The following SACM1L variants were observed in gnomAD, a reference collection of about 807,000 sequenced individuals.
The protein encoded by SACM1L is SAC1 like phosphatidylinositide phosphatase.
Under a neutral mutation model 89.5 loss-of-function variants are expected in SACM1L, and 32 were observed. The observed-to-expected ratio is 0.36, with a 90% CI of 0.27 to 0.48. The LOEUF is 0.48. Among genes scored for constraint, SACM1L ranks in the 20% least tolerant of loss-of-function variants. SACM1L has a pLI of 0.99. For synonymous variants in SACM1L, 213 were observed against 232.8 expected, an observed-to-expected ratio of 0.92 and a Z score of 0.77; for missense variants, 543 against 708.5, an observed-to-expected ratio of 0.77 and a Z score of 2.65.
intron 1 of SACM1L, among the ~76,000 whole-genome samples, chr3:45,697,346 G>A (rs1056692952): frequency 3.6e-5 from 5 of 139,768 alleles, no homozygotes. Flanking sequence ...GTGCGATCTT[G>A]GCTCAGAGCA....
chr3:45,690,381 A>G (rs545404276), intron 1 of SACM1L: 1 of 152,346 alleles, frequency 6.6e-6, no homozygotes, highest in South Asian at 2.1e-4. Context: ...CAGCCTGGGA[A>G]TATCTGGTAG....
intron 8 of SACM1L, among the ~76,000 whole-genome samples, chr3:45,720,728 T>G (rs1661282883): frequency 6.6e-6 from 1 of 152,220 alleles, no homozygotes; most frequent in African/African-American, 2.4e-5. Flanking sequence ...GAAGCAAGGA[T>G]AGCCTGTGCC....
At chr3:45,696,794 A>T (rs1470319797) in intron 1 of SACM1L, among the ~76,000 whole-genome samples, 1 of 152,216 alleles carries the variant, frequency 6.6e-6, no homozygotes, top group Non-Finnish European at 1.5e-5. Context: ...TGAATGTTAC[A>T]TGAGAGATAA....
intron 18 of SACM1L, 65 bp from the exon 19 acceptor site, chr3:45,739,522 C>T (rs186054971): frequency 1.4e-6 from 2 of 1,427,256 alleles, no homozygotes; most frequent in East Asian, 4.5e-5. Context: ...AATGCATGCA[C>T]AACTGATTTT....
intron 2 of SACM1L, among the ~76,000 whole-genome samples, chr3:45,704,340 A>G (rs1698337967): frequency 6.6e-6 from 1 of 152,224 alleles, no homozygotes; most frequent in Non-Finnish European, 1.5e-5. Context: ...AATATATTCC[A>G]TGAGATAATG....
At chr3:45,724,520 A>G (rs1698872317) in intron 11 of SACM1L, among the ~76,000 whole-genome samples, 1 of 152,078 alleles carries the variant, frequency 6.6e-6, no homozygotes, top group African/African-American at 2.4e-5. Context: ...AGTTGTAGTC[A>G]TTCTTTATGA....
At chr3:45,706,506 C>T (rs1247813919) in intron 3 of SACM1L, among the ~76,000 whole-genome samples, 1 of 152,222 alleles carries the variant, frequency 6.6e-6, no homozygotes, top group East Asian at 1.9e-4. Flanking sequence ...TCTGTCTCTA[C>T]TTTCCATTTA....
At chr3:45,726,315 T>C (rs1301773767) in intron 11 of SACM1L, among the ~76,000 whole-genome samples, 1 of 152,090 alleles carries the variant, frequency 6.6e-6, no homozygotes, top group African/African-American at 2.4e-5. Flanking sequence ...AGTTCACTAG[T>C]AAAGCCATCT....
intron 18 of SACM1L, 95 bp from the exon 19 acceptor site, chr3:45,739,492 G>GT (rs1473489897): frequency 9.3e-7 from 1 of 1,076,040 alleles, no homozygotes; most frequent in African/African-American, 1.6e-5. Flanking sequence ...TGACAGATGA[G>GT]TTTTATTCTT....
At chr3:45,699,453 T>A (rs1322238639) in intron 1 of SACM1L, among the ~76,000 whole-genome samples, 1 of 122,998 alleles carries the variant, frequency 8.1e-6, no homozygotes, top group African/African-American at 3.1e-5. Flanking sequence ...TTTTATAAAT[T>A]TATATAAATT....
intron 1 of SACM1L, among the ~76,000 whole-genome samples, chr3:45,698,074 C>T (rs1225047554): frequency 2.0e-5 from 3 of 152,144 alleles, no homozygotes; most frequent in African/African-American, 4.8e-5. Flanking sequence ...TTGTTTTTGA[C>T]GGTTTAAATG....
chr3:45,743,858 G>A lies in SACM1L; in HGVS notation c.*189G>A, dbSNP rs1417266772. 4.3e-6 allele frequency: 2 copies of A among 462,432 alleles called. No individual in the cohort carries two copies. The highest frequency in any genetic ancestry group is 7.4e-6 in the Non-Finnish European group (2 of 270,228). 28.6% of individuals were successfully genotyped at this position (462,432 alleles called of 1,614,324 possible). A position where few individuals can be genotyped will look rare whatever the true frequency, so the allele number is the denominator to read the frequency against. ...CTGCCTTGATGGTCTCTTTACTATT[G>A]GGACAGTTAGATTTATAATTTGAAG... On this transcript the variant is annotated 3_prime_UTR_variant, in exon 20 of 20. Transcript: ENST00000389061.
intron 1 of SACM1L, among the ~76,000 whole-genome samples, chr3:45,699,723 T>C (rs1698222827): frequency 6.6e-6 from 1 of 152,210 alleles, no homozygotes; most frequent in African/African-American, 2.4e-5. Context: ...GGTTTCACTG[T>C]GTCGGCCAGG....
At chr3:45,703,413 A>T (rs1053432549) in intron 1 of SACM1L, 25 bp from the exon 2 acceptor site, 1 of 1,474,774 alleles carries the variant, frequency 6.8e-7, no homozygotes, top group Non-Finnish European at 9.5e-7. Flanking sequence ...TTGGTTAGTT[A>T]TTTATGTTTT....
In SACM1L at chr3:45,743,752, G is replaced by A; in HGVS notation, c.*83G>A. The A allele has an allele frequency of 6.8e-7, 1 of 1,460,666 alleles. No homozygotes were observed. Among genetic ancestry groups the A allele is most frequent in the Non-Finnish European group, 9.2e-7 (1 of 1,088,904 alleles). 90.5% of individuals were successfully genotyped at this position (1,460,666 alleles called of 1,614,324 possible). A position where few individuals can be genotyped will look rare whatever the true frequency, so the allele number is the denominator to read the frequency against. ...CTTTACTGACCCGCTTTCCACATCAGCCCAAGGTCTTTTTAATGCCTTTAT... is the reference window on the plus strand; with the variant it reads ...CTTTACTGACCCGCTTTCCACATCAACCCAAGGTCTTTTTAATGCCTTTAT... On this transcript the variant is annotated 3_prime_UTR_variant, in exon 20 of 20. Transcript: ENST00000389061.
chr3:45,706,819 G>T lies in SACM1L; in HGVS notation c.245G>T (p.Gly82Val). ...GTCATTACCAAAAAGATAAAAGTAG[G>T]TGAATTTTTCAGTCATGTAGTCTGG... Reference protein sequence around the residue: ...LIVITKKIKVGEFFSHVVWKA... With the variant: ...LIVITKKIKVVEFFSHVVWKA... The change falls in exon 4 of 20, where the codon GGT becomes GTT. Residue 82 changes from glycine (G) to valine (V), a missense_variant. This residue lies in a region of SACM1L where 173 missense variants were observed against 180.9 expected (regional missense o/e 0.96). Transcript: ENST00000389061. 6.2e-7 allele frequency: 1 copy of T among 1,612,056 alleles called. No individual in the cohort carries two copies. Among genetic ancestry groups the T allele is most frequent in the Middle Eastern group, 1.7e-4 (1 of 6,048 alleles).
At chr3:45,726,441 T>G (rs1410818429) in intron 11 of SACM1L, among the ~76,000 whole-genome samples, 2 of 152,098 alleles carry the variant, frequency 1.3e-5, no homozygotes, top group Non-Finnish European at 2.9e-5. Context: ...CATGATTCAG[T>G]TTTGGCAGGT....
intron 4 of SACM1L, among the ~76,000 whole-genome samples, chr3:45,708,523 C>T (rs1883096): frequency 0.48 from 73,329 of 151,744 alleles, 18,249 homozygotes; most frequent in Middle Eastern, 0.57. Context: ...TATAGCACTG[C>T]CTACCTGAGT....
chr3:45,719,706 G>T, intron 8 of SACM1L, 105 bp downstream of exon 8: 1 of 619,206 alleles, frequency 1.6e-6, no homozygotes. Flanking sequence ...TCATTTGATA[G>T]CCTTGCTAAG....
Sources: gnomAD v4.1 joint callset for allele counts (sites outside exome capture counted in the v4.1 genomes callset) on GRCh38, gnomAD v4.1.1 for gene constraint, gnomAD v4.1.1 regional missense constraint, MANE v1.5 for transcripts, NCBI Gene and HGNC (gene_info 2026-07-23, HGNC 2026-07-21) for gene names.